Variants in KIAA1671 observed in about 807,000 individuals in gnomAD.
KIAA1671 encodes the protein KIAA1671.
A neutral mutation model predicts 131.2 loss-of-function variants in KIAA1671; 52 were observed. That is an observed-to-expected ratio of 0.40 (90% CI 0.32 to 0.50). The LOEUF (loss-of-function observed/expected upper bound fraction) is 0.50, where lower values mean the gene tolerates loss of function less well. Among genes scored for constraint, KIAA1671 ranks in the 20% least tolerant of loss-of-function variants. The pLI, the probability that KIAA1671 is intolerant of heterozygous loss-of-function variation, is 0.73. For synonymous variants in KIAA1671, 1,003 were observed against 961.6 expected, an observed-to-expected ratio of 1.04 and a Z score of -0.80; for missense variants, 2,360 against 2,364.2, an observed-to-expected ratio of 1.00 and a Z score of 0.04.
chr22:25,116,853 T>C (rs927029998), intron 6 of KIAA1671, among the ~76,000 whole-genome samples: 2 of 152,228 alleles, frequency 1.3e-5, no homozygotes, highest in African/African-American at 2.4e-5. Flanking sequence ...CATCAGAATG[T>C]AAATATGTCA....
chr22:25,189,081 A>G (rs957100862), intron 11 of KIAA1671, among the ~76,000 whole-genome samples: 3 of 151,334 alleles, frequency 2.0e-5, no homozygotes, highest in Admixed American at 1.3e-4. Context: ...GGAAGTGTCG[A>G]AGTCCAAAAG....
At chr22:25,051,445 G>T (rs1418056377) in intron 6 of KIAA1671, 3 of 152,174 alleles carry the variant, frequency 2.0e-5, no homozygotes, top group Non-Finnish European at 4.4e-5. Flanking sequence ...ATGACCTCAA[G>T]AGTATTTTTG....
intron 5 of KIAA1671, among the ~76,000 whole-genome samples, chr22:25,045,418 A>G (rs1467281914): frequency 6.6e-6 from 1 of 152,208 alleles, no homozygotes; most frequent in African/African-American, 2.4e-5. Context: ...CCTACAAGGC[A>G]CAAGACAGCC....
At chr22:25,043,347 A>G (rs1927050925) in intron 5 of KIAA1671, among the ~76,000 whole-genome samples, 1 of 152,120 alleles carries the variant, frequency 6.6e-6, no homozygotes, top group Non-Finnish European at 1.5e-5. Flanking sequence ...TGCTGACACT[A>G]CCTACTGCTG....
At chr22:25,166,709 G>A (rs1300726155) in intron 6 of KIAA1671, among the ~76,000 whole-genome samples, 4 of 152,188 alleles carry the variant, frequency 2.6e-5, no homozygotes, top group African/African-American at 9.7e-5. Context: ...AAGATTATCT[G>A]TTGATACCTC....
intron 1 of KIAA1671, among the ~76,000 whole-genome samples, chr22:25,003,261 T>C (rs1924569517): frequency 6.6e-6 from 1 of 152,162 alleles, no homozygotes; most frequent in Non-Finnish European, 1.5e-5. Context: ...AAAACCATTT[T>C]TTGTTTGTGA....
intron 6 of KIAA1671, among the ~76,000 whole-genome samples, chr22:25,153,681 G>A (rs1402377668): frequency 6.6e-6 from 1 of 152,214 alleles, no homozygotes; most frequent in Non-Finnish European, 1.5e-5. Flanking sequence ...CCCACAGTGT[G>A]TGCTCGCCCA....
At chr22:25,139,564 C>T (rs1932776751) in intron 6 of KIAA1671, among the ~76,000 whole-genome samples, 1 of 152,192 alleles carries the variant, frequency 6.6e-6, no homozygotes. Flanking sequence ...TGTTGCATGC[C>T]TACTATGTGC....
intron 1 of KIAA1671, among the ~76,000 whole-genome samples, chr22:25,002,160 A>C (rs1048145907): frequency 1.4e-4 from 21 of 152,106 alleles, no homozygotes; most frequent in African/African-American, 5.1e-4. Flanking sequence ...AGCATTTGTC[A>C]TGGAGGTGCT....
intron 6 of KIAA1671, among the ~76,000 whole-genome samples, chr22:25,065,938 C>T (rs535616534): frequency 6.6e-6 from 1 of 152,068 alleles, no homozygotes; most frequent in Non-Finnish European, 1.5e-5. Context: ...TGCGCCTGAT[C>T]GAGACTGGGT....
chr22:25,070,159 A>G, intron 6 of KIAA1671: 1 of 385,284 alleles, frequency 2.6e-6, no homozygotes. Flanking sequence ...CGGGGCTCAT[A>G]GGACCGAGTG....
intron 1 of KIAA1671, among the ~76,000 whole-genome samples, chr22:25,000,208 T>TAAAATGTAGCTTTCGATGTTGTTG (rs1404478334): frequency 3.6e-5 from 3 of 83,894 alleles, no homozygotes; most frequent in African/African-American, 1.4e-4. Context: ...TTTTTTTTTT[T>TAAAATGTAGCTTTCGATGTTGTTG]TTTGAGACGG....
intron 1 of KIAA1671, among the ~76,000 whole-genome samples, chr22:25,017,404 G>A (rs1925388480): frequency 6.6e-6 from 1 of 152,168 alleles, no homozygotes; most frequent in South Asian, 2.1e-4. Flanking sequence ...AAAAGGGGGT[G>A]GTAACTTCTG....
At chr22:25,143,809 A>G (rs1005120416) in intron 6 of KIAA1671, among the ~76,000 whole-genome samples, 10 of 152,172 alleles carry the variant, frequency 6.6e-5, no homozygotes, top group Non-Finnish European at 1.3e-4. Flanking sequence ...TGTTTCCGCC[A>G]TTTATGTGCT....
At chr22:25,036,145 A>G (rs900766603) in intron 4 of KIAA1671, among the ~76,000 whole-genome samples, 1 of 152,076 alleles carries the variant, frequency 6.6e-6, no homozygotes, top group Non-Finnish European at 1.5e-5. Context: ...CAATGGCACA[A>G]TCTCAGCTCA....
chr22:25,135,555 T>A (rs894570199), intron 6 of KIAA1671, among the ~76,000 whole-genome samples: 1 of 152,234 alleles, frequency 6.6e-6, no homozygotes, highest in African/African-American at 2.4e-5. Flanking sequence ...GTTCACAGTT[T>A]TGAAATTTCC....
intron 1 of KIAA1671, among the ~76,000 whole-genome samples, chr22:24,953,520 G>T (rs1602022721): frequency 6.6e-6 from 1 of 152,132 alleles, no homozygotes; most frequent in East Asian, 1.9e-4. Flanking sequence ...TTCCCAGGGC[G>T]GAGGCGCCCT....
chr22:24,965,749 A>C (rs1218083318), intron 1 of KIAA1671, among the ~76,000 whole-genome samples: 1 of 151,628 alleles, frequency 6.6e-6, no homozygotes, highest in African/African-American at 2.4e-5. Flanking sequence ...TCAAAAAAAA[A>C]AAAAAAAAAA....
At chr22:25,034,156 C>T (rs1926460232) in intron 4 of KIAA1671, among the ~76,000 whole-genome samples, 1 of 151,836 alleles carries the variant, frequency 6.6e-6, no homozygotes, top group African/African-American at 2.4e-5. Flanking sequence ...AGTGATTCTC[C>T]TGCCTCAGCC....
Sources: allele counts gnomAD v4.1 joint callset (sites outside exome capture counted in the v4.1 genomes callset), GRCh38; gene constraint gnomAD v4.1.1; transcripts MANE v1.5; gene names NCBI Gene and HGNC (gene_info 2026-07-23, HGNC 2026-07-21).